Variants in SMAD3 observed in about 807,000 individuals in gnomAD.
SMAD3 encodes SMAD family member 3.
Under a neutral mutation model 51.8 loss-of-function variants are expected in SMAD3, and 12 were observed. The observed-to-expected ratio is 0.23, with a 90% CI of 0.15 to 0.38. The LOEUF is 0.38. SMAD3 is among the 10% of genes least tolerant of loss of function. SMAD3 has a pLI of 1.00. For synonymous variants in SMAD3, 238 were observed against 227.7 expected, an observed-to-expected ratio of 1.05 and a Z score of -0.41; for missense variants, 294 against 565.6, an observed-to-expected ratio of 0.52 and a Z score of 4.87.
At chr15:67,106,238 T>C (rs1454236547) in intron 1 of SMAD3, among the ~76,000 whole-genome samples, 1 of 152,200 alleles carries the variant, frequency 6.6e-6, no homozygotes, top group African/African-American at 2.4e-5. Context: ...TCATATCTGC[T>C]GAAAATTGTT....
chr15:67,137,767 T>G (rs1477971989), intron 1 of SMAD3, among the ~76,000 whole-genome samples: 2 of 152,254 alleles, frequency 1.3e-5, no homozygotes, highest in African/African-American at 4.8e-5. Context: ...AAGCCGAATT[T>G]TCTCTGGTAA....
chr15:67,081,866 C>T (rs1336521068), intron 1 of SMAD3, among the ~76,000 whole-genome samples: 1 of 152,030 alleles, frequency 6.6e-6, no homozygotes, highest in East Asian at 1.9e-4. Flanking sequence ...AGGTCAAGGG[C>T]CCAGGCTATT....
rs552099276 is a variant in SMAD3 at position 67,171,035 on chromosome 15, TC to T, written c.658+432del. Among the ~76,000 whole-genome samples the T allele has an allele frequency of 1.4e-3, 216 of 152,320 alleles. 1 individual carries two copies. Among genetic ancestry groups the T allele is most frequent in the Non-Finnish European group, 2.6e-3 (178 of 68,038 alleles). ...TTTCATCTTATAATTGTGTAATTTT[TC>T]TTAAAATAGCAACATATACGGAATT... On this transcript the variant is annotated intron_variant, in intron 5 of 8. Transcript: ENST00000327367.
intron 6 of SMAD3, among the ~76,000 whole-genome samples, chr15:67,182,994 A>ATAT (rs1430882894): frequency 1.8e-5 from 1 of 55,432 alleles, no homozygotes; most frequent in African/African-American, 8.2e-5. Flanking sequence ...ATTAAAAAAA[A>ATAT]AAAAAAATAT....
At chr15:67,090,298 C>A (rs1960483517) in intron 1 of SMAD3, among the ~76,000 whole-genome samples, 1 of 152,152 alleles carries the variant, frequency 6.6e-6, no homozygotes, top group South Asian at 2.1e-4. Context: ...TCCCAACTTT[C>A]CTGCTGAGTA....
intron 8 of SMAD3, among the ~76,000 whole-genome samples, chr15:67,189,916 T>C (rs1003811451): frequency 6.6e-6 from 1 of 151,996 alleles, no homozygotes; most frequent in Non-Finnish European, 1.5e-5. Flanking sequence ...ACCGAAGGCA[T>C]GCGGACACTG....
Position 67,145,116 on chromosome 15 carries a change from A to T in SMAD3, c.207-19779A>T, listed in dbSNP as rs566087141. ...TTGTTCAGTCACGTTCTCCTGAAAG[A>T]AGTCTTCTTACTGTGTGTAAGAAAA... On this transcript the variant is annotated intron_variant, in intron 1 of 8. Transcript: ENST00000327367. Among the ~76,000 whole-genome samples the T allele has an allele frequency of 3.3e-5, 5 of 152,322 alleles. No homozygotes were observed. The South Asian group carries it at 1.0e-3, about 32-fold the overall frequency.
At chr15:67,127,503 A>T (rs868124607) in intron 1 of SMAD3, among the ~76,000 whole-genome samples, 4 of 152,146 alleles carry the variant, frequency 2.6e-5, no homozygotes, top group Non-Finnish European at 5.9e-5. Flanking sequence ...CTGTGAATCC[A>T]TACAGGATGT....
Position 67,165,375 on chromosome 15 carries a change from A to C in SMAD3, c.523A>C (p.Asn175His). 1.2e-6 allele frequency: 2 copies of C among 1,614,160 alleles called. No individual in the cohort carries two copies. Among genetic ancestry groups the C allele is most frequent in the Non-Finnish European group, 1.7e-6 (2 of 1,180,022 alleles). ...NFPAGIEPQS[N>H]IPETPPPGYL... Reference sequence around the variant, plus strand: ...CCCCGCAGGCATCGAGCCCCAGAGCAATATTCCAGGTAGGCACGTGGGCGG... The same window carrying C: ...CCCCGCAGGCATCGAGCCCCAGAGCCATATTCCAGGTAGGCACGTGGGCGG... Residue 175 changes from asparagine to histidine, a missense_variant, in exon 3 of 9, where the codon AAT (asparagine) becomes CAT (histidine). Around this residue, in one of 3 missense-constraint regions of SMAD3, gnomAD observed 147 missense variants for 260.9 expected, o/e 0.56. Transcript: ENST00000327367.
intron 3 of SMAD3, among the ~76,000 whole-genome samples, chr15:67,165,779 G>C (rs969797986): frequency 7.9e-5 from 12 of 152,246 alleles, no homozygotes; most frequent in Admixed American, 7.2e-4. Flanking sequence ...AGTGCGGAGA[G>C]CTGGCTCTGT....
intron 1 of SMAD3, among the ~76,000 whole-genome samples, chr15:67,112,059 A>T (rs541223572): frequency 4.6e-5 from 7 of 151,196 alleles, no homozygotes; most frequent in Admixed American, 4.6e-4. Context: ...AAGTGTTGGG[A>T]TTACGGGCAT....
chr15:67,088,557 C>T (rs907842733), intron 1 of SMAD3, among the ~76,000 whole-genome samples: 1 of 152,164 alleles, frequency 6.6e-6, no homozygotes, highest in African/African-American at 2.4e-5. Context: ...CTGCTTCACA[C>T]CACTTTTAAT....
chr15:67,136,899 G>T (rs1961679797), intron 1 of SMAD3, among the ~76,000 whole-genome samples: 1 of 152,272 alleles, frequency 6.6e-6, no homozygotes, highest in African/African-American at 2.4e-5. Context: ...TAGCAGACAG[G>T]CCCCATTGAC....
At chr15:67,154,112 A>G (rs1287293862) in intron 1 of SMAD3, among the ~76,000 whole-genome samples, 1 of 152,290 alleles carries the variant, frequency 6.6e-6, no homozygotes, top group Non-Finnish European at 1.5e-5. Context: ...GGCACTTGTC[A>G]TGGACCTGAG....
intron 1 of SMAD3, among the ~76,000 whole-genome samples, chr15:67,095,828 G>A (rs961550154): frequency 2.6e-5 from 4 of 152,156 alleles, no homozygotes; most frequent in African/African-American, 9.7e-5. Context: ...CACTGCATCC[G>A]GCCCATCTTG....
intron 8 of SMAD3, 39 bp downstream of exon 8, chr15:67,187,548 C>G (rs940839360): frequency 6.2e-7 from 1 of 1,612,834 alleles, no homozygotes; most frequent in Admixed American, 1.7e-5. Context: ...GGACCCAACT[C>G]CAGGTGACTC....
chr15:67,076,993 AG>A (rs1960184079), intron 1 of SMAD3, among the ~76,000 whole-genome samples: 1 of 152,096 alleles, frequency 6.6e-6, no homozygotes, highest in African/African-American at 2.4e-5. Flanking sequence ...GGGTGGTGCT[AG>A]GGGTGGGCTG....
At chr15:67,156,794 A>G (rs1473579947) in intron 1 of SMAD3, among the ~76,000 whole-genome samples, 1 of 97,266 alleles carries the variant, frequency 1.0e-5, no homozygotes, top group Admixed American at 1.5e-4. Flanking sequence ...CCTATGGGGC[A>G]GTAGCTGCCT....
intron 1 of SMAD3, among the ~76,000 whole-genome samples, chr15:67,073,906 C>T (rs1960110504): frequency 6.6e-6 from 1 of 152,198 alleles, no homozygotes; most frequent in South Asian, 2.1e-4. Context: ...CTCCTGGCCT[C>T]AAGTGATCTG....
Sources: gnomAD v4.1 joint callset for allele counts (sites outside exome capture counted in the v4.1 genomes callset) on GRCh38, gnomAD v4.1.1 for gene constraint, gnomAD v4.1.1 regional missense constraint, MANE v1.5 for transcripts, NCBI Gene and HGNC (gene_info 2026-07-23, HGNC 2026-07-21) for gene names.